The following AUTS2 variants were observed in gnomAD, a reference collection of about 807,000 sequenced individuals.
AUTS2 encodes activator of transcription and developmental regulator AUTS2.
Under a neutral mutation model 112.4 loss-of-function variants are expected in AUTS2, and 17 were observed. The observed-to-expected ratio is 0.15, with a 90% CI of 0.10 to 0.23. The LOEUF is 0.23. Ranked by LOEUF, AUTS2 falls within the 10% of genes least tolerant of loss-of-function variation. AUTS2 has a pLI of 1.00. For synonymous variants in AUTS2, 751 were observed against 702.7 expected (o/e 1.07, Z -1.09); for missense variants, 1,510 against 1,701.6 (o/e 0.89, Z 1.98).
intron 5 of AUTS2, among the ~76,000 whole-genome samples, chr7:70,466,747 G>T (rs140185785): frequency 6.6e-6 from 1 of 152,226 alleles, no homozygotes; most frequent in African/African-American, 2.4e-5. Flanking sequence ...GATTGTGTGC[G>T]TGTGTGCAGG....
chr7:70,117,254 A>G (rs980272450), intron 2 of AUTS2, among the ~76,000 whole-genome samples: 1 of 151,062 alleles, frequency 6.6e-6, no homozygotes, highest in South Asian at 2.1e-4. Context: ...GTAGGTCTTC[A>G]TTGGTTCTTT....
intron 1 of AUTS2, among the ~76,000 whole-genome samples, chr7:69,648,964 T>G (rs1795166062): frequency 6.6e-6 from 1 of 152,190 alleles, no homozygotes; most frequent in African/African-American, 2.4e-5. Flanking sequence ...GTTGGATGGC[T>G]GGGGAGAGGG....
At chr7:70,249,291 C>T (rs944786560) in intron 4 of AUTS2, among the ~76,000 whole-genome samples, 14 of 151,932 alleles carry the variant, frequency 9.2e-5, no homozygotes, top group Admixed American at 5.9e-4. Context: ...TTTTAAATTA[C>T]GTTTTATTTA....
intron 4 of AUTS2, among the ~76,000 whole-genome samples, chr7:70,385,732 T>C (rs1362457204): frequency 6.6e-6 from 1 of 152,126 alleles, no homozygotes; most frequent in Non-Finnish European, 1.5e-5. Context: ...TCTCTAAAAA[T>C]AGAAAATAAA....
chr7:69,701,606 A>G (rs927827182), intron 1 of AUTS2, among the ~76,000 whole-genome samples: 7 of 152,240 alleles, frequency 4.6e-5, no homozygotes, highest in Non-Finnish European at 1.0e-4. Context: ...GAAAGGGGGA[A>G]CTGTTAGAAC....
chr7:70,467,396 T>C (rs1797208055), intron 5 of AUTS2, among the ~76,000 whole-genome samples: 1 of 152,128 alleles, frequency 6.6e-6, no homozygotes, highest in African/African-American at 2.4e-5. Context: ...AGTAACCTCA[T>C]TGGGTAGGAC....
At chr7:69,960,209 A>G (rs1306109998) in intron 2 of AUTS2, among the ~76,000 whole-genome samples, 1 of 152,212 alleles carries the variant, frequency 6.6e-6, no homozygotes, top group Non-Finnish European at 1.5e-5. Flanking sequence ...TTAAAAAAGT[A>G]TATACAGCTA....
At chr7:70,489,162 CA>C (rs1798140732) in intron 5 of AUTS2, among the ~76,000 whole-genome samples, 1 of 152,054 alleles carries the variant, frequency 6.6e-6, no homozygotes, top group Non-Finnish European at 1.5e-5. Flanking sequence ...TCAATAAATA[CA>C]AAAGGCAGAA....
At chr7:70,568,891 G>T (rs1403186901) in intron 5 of AUTS2, among the ~76,000 whole-genome samples, 2 of 152,226 alleles carry the variant, frequency 1.3e-5, no homozygotes, top group East Asian at 3.8e-4. Flanking sequence ...ACTTTCTGTG[G>T]CTGTTGACAA....
At chr7:70,687,543 G>T (rs1808534522) in intron 5 of AUTS2, among the ~76,000 whole-genome samples, 1 of 152,026 alleles carries the variant, frequency 6.6e-6, no homozygotes, top group African/African-American at 2.4e-5. Context: ...TCCTTTCCTT[G>T]ACTTCTACAC....
At chr7:70,583,718 C>A (rs6961778) in intron 5 of AUTS2, among the ~76,000 whole-genome samples, 3 of 152,202 alleles carry the variant, frequency 2.0e-5, no homozygotes, top group Non-Finnish European at 4.4e-5. Context: ...CCGCACCGCA[C>A]GGCTCAGGCC....
chr7:69,652,126 T>C (rs961253726), intron 1 of AUTS2, among the ~76,000 whole-genome samples: 3 of 152,116 alleles, frequency 2.0e-5, no homozygotes, highest in Non-Finnish European at 4.4e-5. Context: ...GGTAAGTTAA[T>C]CTTATTGAAG....
chr7:70,150,011 A>G (rs529625763), intron 4 of AUTS2, among the ~76,000 whole-genome samples: 9 of 152,220 alleles, frequency 5.9e-5, no homozygotes, highest in African/African-American at 2.2e-4. Flanking sequence ...TCATGTACTT[A>G]AAACTGATAA....
chr7:70,628,905 CAGGG>C (rs1805106781), intron 5 of AUTS2, among the ~76,000 whole-genome samples: 1 of 151,602 alleles, frequency 6.6e-6, no homozygotes, highest in South Asian at 2.1e-4. Flanking sequence ...CCTGATGGAA[CAGGG>C]AGGGGGTGGC....
chr7:70,606,336 T>TTTTTG (rs1803758628), intron 5 of AUTS2, among the ~76,000 whole-genome samples: 4 of 74,154 alleles, frequency 5.4e-5, no homozygotes, highest in South Asian at 2.9e-4. Flanking sequence ...TTCTTAAAAG[T>TTTTTG]TAATATTTGT....
Position 69,599,637 on chromosome 7 carries a change from C to G in AUTS2, c.-17C>G. The G allele has an allele frequency of 1.6e-6, 2 of 1,281,008 alleles. No homozygotes were observed. The highest frequency in any genetic ancestry group is 2.0e-6 in the Non-Finnish European group (2 of 1,016,174). 79.4% of individuals were successfully genotyped at this position (1,281,008 alleles called of 1,614,324 possible). A position where few individuals can be genotyped will look rare whatever the true frequency, so the allele number is the denominator to read the frequency against. ...GCCTGTGGCGGGCAAGCGGGGAGAC[C>G]CCGGCGCAGCAGAACCATGGATGGC... On this transcript the variant is annotated 5_prime_UTR_variant, in exon 1 of 19. Coordinates refer to ENST00000342771, the MANE Select transcript of AUTS2 (RefSeq NM_015570.4). The surrounding 1 kb of genome is among the most constrained non-coding windows in gnomAD (Gnocchi z 7.0).
chr7:69,929,767 G>A (rs1169111969), intron 2 of AUTS2, among the ~76,000 whole-genome samples: 1 of 152,186 alleles, frequency 6.6e-6, no homozygotes, highest in Non-Finnish European at 1.5e-5. Context: ...TACAATGATT[G>A]TTTCAGTGTC....
intron 2 of AUTS2, among the ~76,000 whole-genome samples, chr7:70,067,650 A>C (rs1383648353): frequency 1.3e-5 from 2 of 152,170 alleles, no homozygotes; most frequent in African/African-American, 4.8e-5. Context: ...GTTCAAGACC[A>C]GTCTGGGCAA....
At chr7:69,805,034 GTTATATC>G (rs1790240689) in intron 1 of AUTS2, among the ~76,000 whole-genome samples, 1 of 152,218 alleles carries the variant, frequency 6.6e-6, no homozygotes, top group Non-Finnish European at 1.5e-5. Context: ...AGAGAGGACA[GTTATATC>G]TTCCTTTAAA....
Sources: allele counts gnomAD v4.1 joint callset (sites outside exome capture counted in the v4.1 genomes callset), GRCh38; gene constraint gnomAD v4.1.1; non-coding constraint Gnocchi (gnomAD v3.1); transcripts MANE v1.5; gene names NCBI Gene and HGNC (gene_info 2026-07-23, HGNC 2026-07-21).